Variants in DOK6 observed in about 807,000 individuals in gnomAD.
DOK6 encodes downstream of tyrosine kinase 6.
DOK6 carries 22 observed loss-of-function variants against 44.0 expected under a neutral mutation model. The observed-to-expected ratio is 0.50, with a 90% confidence interval of 0.36 to 0.71. The LOEUF is 0.71. Ranked by LOEUF, DOK6 falls within the 30% of genes least tolerant of loss-of-function variation. The pLI, the probability that DOK6 is intolerant of heterozygous loss-of-function variation, is 0.00. For synonymous variants in DOK6, 166 were observed against 145.5 expected, an observed-to-expected ratio of 1.14 and a Z score of -1.01; for missense variants, 340 against 416.4, an observed-to-expected ratio of 0.82 and a Z score of 1.60.
intron 5 of DOK6, among the ~76,000 whole-genome samples, chr18:69,710,955 G>C (rs1986741418): frequency 6.6e-6 from 1 of 152,176 alleles, no homozygotes; most frequent in African/African-American, 2.4e-5. Flanking sequence ...GGGAGCATAA[G>C]GCTCAACATT....
Position 69,634,923 on chromosome 18 carries a change from G to A in DOK6, c.289+35425G>A, listed in dbSNP as rs76368016. 5.2e-3 allele frequency among the ~76,000 whole-genome samples: 783 copies of A among 151,622 alleles called. 8 individuals carry two copies. The highest frequency in any genetic ancestry group is 0.018 in the African/African-American group (753 of 41,288). On this transcript the variant is annotated intron_variant, in intron 3 of 7. Transcript: ENST00000382713. ...TCTTTCCTTCTCAGTAAACTCTTTCGACCTATGTGCTTAATTTCCTCCCCA... is the reference window on the plus strand; with the variant it reads ...TCTTTCCTTCTCAGTAAACTCTTTCAACCTATGTGCTTAATTTCCTCCCCA...
intron 1 of DOK6, among the ~76,000 whole-genome samples, chr18:69,414,318 A>C (rs1978319097): frequency 6.6e-6 from 1 of 152,052 alleles, no homozygotes; most frequent in Non-Finnish European, 1.5e-5. Flanking sequence ...AATAGTAATA[A>C]ATTGAAGATA....
chr18:69,691,307 AAGTGTTAAG>A (rs1476109807), intron 4 of DOK6, among the ~76,000 whole-genome samples: 1 of 152,154 alleles, frequency 6.6e-6, no homozygotes, highest in African/African-American at 2.4e-5. Flanking sequence ...AAGAACCAAG[AAGTGTTAAG>A]AGAGACATAA....
intron 1 of DOK6, among the ~76,000 whole-genome samples, chr18:69,449,730 C>T (rs1467346701): frequency 1.3e-5 from 2 of 151,924 alleles, no homozygotes; most frequent in African/African-American, 4.8e-5. Flanking sequence ...GGCAGACTGC[C>T]TCCTCAAGTG....
intron 7 of DOK6, among the ~76,000 whole-genome samples, chr18:69,775,255 A>G (rs540538160): frequency 4.6e-5 from 7 of 152,168 alleles, no homozygotes; most frequent in Admixed American, 2.0e-4. Context: ...GAAAATAAAT[A>G]ATGGATGTAC....
At chr18:69,790,276 G>T (rs1980554254) in intron 7 of DOK6, among the ~76,000 whole-genome samples, 1 of 150,080 alleles carries the variant, frequency 6.7e-6, no homozygotes, top group African/African-American at 2.4e-5. Context: ...GGGGGTGGGG[G>T]GCAAGGGGAG....
chr18:69,710,621 A>T (rs558850156), intron 5 of DOK6, among the ~76,000 whole-genome samples: 1 of 152,248 alleles, frequency 6.6e-6, no homozygotes, highest in East Asian at 1.9e-4. Flanking sequence ...GATTACAAAA[A>T]GCAAAATTAG....
intron 7 of DOK6, among the ~76,000 whole-genome samples, chr18:69,840,643 C>T (rs953908790): frequency 6.6e-5 from 10 of 152,164 alleles, no homozygotes; most frequent in African/African-American, 1.4e-4. Context: ...TGGTAGCCAT[C>T]GAGCTTAATT....
intron 3 of DOK6, among the ~76,000 whole-genome samples, chr18:69,631,899 T>G (rs1363852579): frequency 6.6e-6 from 1 of 152,202 alleles, no homozygotes; most frequent in Non-Finnish European, 1.5e-5. Context: ...TCCAATTCTT[T>G]TTATCATAAG....
chr18:69,805,067 G>A (rs1227634906), intron 7 of DOK6, among the ~76,000 whole-genome samples: 1 of 152,146 alleles, frequency 6.6e-6, no homozygotes, highest in African/African-American at 2.4e-5. Flanking sequence ...AAAATTTCAT[G>A]GCTAAAACGG....
At chr18:69,625,139 T>C (rs1425629241) in intron 3 of DOK6, among the ~76,000 whole-genome samples, 1 of 152,134 alleles carries the variant, frequency 6.6e-6, no homozygotes, top group Non-Finnish European at 1.5e-5. Flanking sequence ...GTGTTCAAAA[T>C]GCCATTTAAA....
At chr18:69,587,594 A>T (rs1983532991) in intron 2 of DOK6, among the ~76,000 whole-genome samples, 1 of 152,178 alleles carries the variant, frequency 6.6e-6, no homozygotes, top group African/African-American at 2.4e-5. Flanking sequence ...TACAATAATG[A>T]AGAGATTTAA....
At chr18:69,561,125 G>C (rs1361112443) in intron 1 of DOK6, among the ~76,000 whole-genome samples, 1 of 152,138 alleles carries the variant, frequency 6.6e-6, no homozygotes, top group Non-Finnish European at 1.5e-5. Context: ...CTTGTGGAGA[G>C]TATGCTGTGT....
intron 7 of DOK6, among the ~76,000 whole-genome samples, chr18:69,807,855 C>A (rs961078525): frequency 1.2e-4 from 18 of 151,546 alleles, no homozygotes. Flanking sequence ...TAAGAGACTG[C>A]AATATCTTAC....
intron 3 of DOK6, among the ~76,000 whole-genome samples, chr18:69,671,417 G>A (rs73465988): frequency 0.018 from 2,781 of 152,226 alleles, 81 homozygotes; most frequent in African/African-American, 0.064. Context: ...TTGGCTCTAA[G>A]TTGACTTTTT....
At chr18:69,777,834 A>G (rs754859573) in intron 7 of DOK6, 21 of 152,112 alleles carry the variant, frequency 1.4e-4, no homozygotes, top group Non-Finnish European at 2.8e-4. Context: ...GAAAATCAAC[A>G]AAGGGAAACA....
chr18:69,760,562 G>A lies in DOK6; in HGVS notation c.856+2689G>A, dbSNP rs936151722. Among the ~76,000 whole-genome samples, 20 of 152,156 alleles carry A rather than the reference G, an allele frequency of 1.3e-4. 1 individual carries two copies. The highest frequency in any genetic ancestry group is 4.1e-4 in the African/African-American group (17 of 41,430). Reference sequence around the variant, plus strand: ...GGAGAAAGCAAAGCAGGCGCCCTGAGAAACCAAGTGCGCAGCTTGACCTCT... The same window carrying A: ...GGAGAAAGCAAAGCAGGCGCCCTGAAAAACCAAGTGCGCAGCTTGACCTCT... On this transcript the variant is annotated intron_variant, in intron 7 of 7. Coordinates refer to ENST00000382713, the MANE Select transcript of DOK6 (RefSeq NM_152721.6).
intron 6 of DOK6, among the ~76,000 whole-genome samples, chr18:69,744,938 A>AC (rs1431261286): frequency 6.6e-6 from 1 of 151,188 alleles, no homozygotes; most frequent in African/African-American, 2.4e-5. Flanking sequence ...AAAAAAAAAA[A>AC]AAAAAAAAAC....
chr18:69,592,051 T>A (rs1983633978), intron 2 of DOK6, among the ~76,000 whole-genome samples: 2 of 152,056 alleles, frequency 1.3e-5, no homozygotes, highest in African/African-American at 4.8e-5. Context: ...TGGGAATTAT[T>A]TTCATTTTAA....
Sources: gnomAD v4.1 joint callset for allele counts (sites outside exome capture counted in the v4.1 genomes callset) on GRCh38, gnomAD v4.1.1 for gene constraint, MANE v1.5 for transcripts, NCBI Gene and HGNC (gene_info 2026-07-23, HGNC 2026-07-21) for gene names.